TEN1: variants seen among roughly 807,000 people sequenced by gnomAD.
The protein encoded by TEN1 is TEN1 subunit of CST complex, also known as CST complex subunit TEN1.
Under a neutral mutation model 9.3 loss-of-function variants are expected in TEN1, and 6 were observed. The observed-to-expected ratio is 0.65, with a 90% CI of 0.35 to 1.27. The LOEUF is 1.27. Among genes scored for constraint, TEN1 ranks in the 50% most tolerant of loss-of-function variants. The pLI, the probability that TEN1 is intolerant of heterozygous loss-of-function variation, is 0.03. For missense variants in TEN1, 149 were observed against 158.2 expected, an observed-to-expected ratio of 0.94 and a Z score of 0.31; for synonymous variants, 65 against 65.6, an observed-to-expected ratio of 0.99 and a Z score of 0.04.
chr17:75,998,305 C>CT (rs1288378505), intron 3 of TEN1, among the ~76,000 whole-genome samples: 1 of 151,048 alleles, frequency 6.6e-6, no homozygotes, highest in Non-Finnish European at 1.5e-5. Flanking sequence ...GTAGTCGGGC[C>CT]TGGGTAACTT....
At chr17:75,986,041 A>G (rs2066150217) in intron 1 of TEN1, 146 bp from the exon 2 acceptor site, 3 of 607,318 alleles carry the variant, frequency 4.9e-6, no homozygotes, top group Admixed American at 3.6e-5. Context: ...CCTCCCCCCA[A>G]AAAATTTTTT....
At chr17:75,993,317 A>G (rs546463840) in intron 3 of TEN1, among the ~76,000 whole-genome samples, 8 of 151,672 alleles carry the variant, frequency 5.3e-5, no homozygotes, top group Non-Finnish European at 7.4e-5. Flanking sequence ...GTTGGCCAGG[A>G]TGGTCTCGAT....
At chr17:75,990,025 A>G (rs532807610) in intron 2 of TEN1, among the ~76,000 whole-genome samples, 1 of 147,640 alleles carries the variant, frequency 6.8e-6, no homozygotes, top group African/African-American at 2.5e-5. Context: ...GGGATTACAG[A>G]TGTGAGCCAC....
At chr17:75,990,677 T>C (rs1217202240) in intron 2 of TEN1, among the ~76,000 whole-genome samples, 1 of 148,374 alleles carries the variant, frequency 6.7e-6, no homozygotes, top group Non-Finnish European at 1.5e-5. Context: ...GTACAAAAAA[T>C]TAAAATATTA....
chr17:75,999,071 C>T (rs1021758202), intron 3 of TEN1, among the ~76,000 whole-genome samples: 2 of 151,968 alleles, frequency 1.3e-5, no homozygotes, highest in African/African-American at 4.8e-5. Flanking sequence ...GTCAGCAATG[C>T]ACAGTGGCTC....
intron 1 of TEN1, among the ~76,000 whole-genome samples, chr17:75,979,965 A>C (rs1250382826): frequency 6.6e-6 from 1 of 151,868 alleles, no homozygotes; most frequent in Non-Finnish European, 1.5e-5. Context: ...CCTGGCAGTT[A>C]CTAGAGGTCT....
chr17:75,979,780 C>A (rs1182442464), intron 1 of TEN1, among the ~76,000 whole-genome samples: 1 of 151,780 alleles, frequency 6.6e-6, no homozygotes, highest in African/African-American at 2.4e-5. Context: ...GGGAGAGGCT[C>A]CAGTTACCTT....
chr17:75,991,486 T>C lies in TEN1; in HGVS notation c.113T>C (p.Ile38Thr). 1.3e-6 allele frequency: 2 copies of C among 1,552,366 alleles called. No homozygotes were observed. Among genetic ancestry groups the C allele is most frequent in the Non-Finnish European group, 1.7e-6 (2 of 1,147,114 alleles). The change falls in exon 3 of 4, where the codon ATT (isoleucine) becomes ACT (threonine). Residue 38 changes from isoleucine to threonine, a missense_variant. Coordinates refer to ENST00000397640, the MANE Select transcript of TEN1 (RefSeq NM_001113324.3). ...TFGRLCLYDM[I>T]QSRVTLMAQH... is the part of the protein sequence containing the mutation. Reference sequence around the variant, plus strand: ...TCCAGGTTGTGCCTCTATGACATGATTCAGTCCAGAGTAACACTGATGGCT... The same window carrying C: ...TCCAGGTTGTGCCTCTATGACATGACTCAGTCCAGAGTAACACTGATGGCT...
intron 3 of TEN1, among the ~76,000 whole-genome samples, chr17:75,993,778 C>T (rs1476513991): frequency 2.0e-5 from 3 of 151,990 alleles, no homozygotes; most frequent in African/African-American, 4.8e-5. Context: ...GGGCGGATCT[C>T]GAGGTCAGGA....
chr17:75,982,349 T>G (rs1227436508), intron 1 of TEN1, among the ~76,000 whole-genome samples: 3 of 152,252 alleles, frequency 2.0e-5, no homozygotes, highest in Non-Finnish European at 4.4e-5. Flanking sequence ...AAGGCTCCCA[T>G]ATGTACATGT....
Position 75,999,291 on chromosome 17 carries a change from T to C in TEN1, c.251-850T>C, listed in dbSNP as rs536322446. ...GGGAGGTGGAGGCTACATTGAGCCA[T>C]GATTGAGCCACTGCATTCCAGCCCA... is the stretch of plus-strand genomic sequence containing the variant. On this transcript the variant is annotated intron_variant, in intron 3 of 3. Coordinates refer to ENST00000397640, the MANE Select transcript of TEN1 (RefSeq NM_001113324.3). 2.6e-5 allele frequency among the ~76,000 whole-genome samples: 4 copies of C among 152,148 alleles called. No individual in the cohort carries two copies. The East Asian group carries it at 7.8e-4, about 30-fold the overall frequency.
intron 3 of TEN1, among the ~76,000 whole-genome samples, chr17:75,992,805 T>G (rs1384965764): frequency 7.1e-6 from 1 of 141,640 alleles, no homozygotes; most frequent in Non-Finnish European, 1.5e-5. Flanking sequence ...AGCCACCGTT[T>G]TTTTTTTTTT....
chr17:75,984,227 A>G (rs949783558), intron 1 of TEN1, among the ~76,000 whole-genome samples: 9 of 152,118 alleles, frequency 5.9e-5, no homozygotes, highest in African/African-American at 9.7e-5. Flanking sequence ...CACTGATACA[A>G]TTTTTGCAAA....
At chr17:75,995,503 C>G (rs2066213131) in intron 3 of TEN1, among the ~76,000 whole-genome samples, 1 of 152,196 alleles carries the variant, frequency 6.6e-6, no homozygotes, top group African/African-American at 2.4e-5. Flanking sequence ...AGAGGTCACC[C>G]TTCTCAAATG....
chr17:75,987,819 A>G (rs2066160875), intron 2 of TEN1, among the ~76,000 whole-genome samples: 1 of 146,270 alleles, frequency 6.8e-6, no homozygotes, highest in Non-Finnish European at 1.5e-5. Flanking sequence ...CAGGAGGCTG[A>G]GGCAGGAGAA....
At chr17:75,998,654 C>G (rs1235912415) in intron 3 of TEN1, among the ~76,000 whole-genome samples, 2 of 152,080 alleles carry the variant, frequency 1.3e-5, no homozygotes, top group Non-Finnish European at 2.9e-5. Context: ...CAAACAGCGT[C>G]AAAAGAAAAC....
chr17:75,995,969 G>A (rs1175499365), intron 3 of TEN1, among the ~76,000 whole-genome samples: 2 of 152,118 alleles, frequency 1.3e-5, no homozygotes, highest in Non-Finnish European at 2.9e-5. Context: ...GCTTGTGCTT[G>A]TAGTCCCAGC....
chr17:75,989,108 T>C (rs1212831335), intron 2 of TEN1, among the ~76,000 whole-genome samples: 1 of 150,932 alleles, frequency 6.6e-6, no homozygotes, highest in East Asian at 2.0e-4. Flanking sequence ...TTTTCTTTTT[T>C]TCTTTTTTTG....
chr17:75,986,170 C>T lies in TEN1; in HGVS notation c.-6-17C>T, dbSNP rs561792133. 6.5e-7 allele frequency: 1 copy of T among 1,530,616 alleles called. No individual in the cohort carries two copies. Among genetic ancestry groups the T allele is most frequent in the Non-Finnish European group, 8.8e-7 (1 of 1,135,380 alleles). The allele number at this position is 1,530,616 out of a possible 1,614,324, so 94.8% of individuals were successfully genotyped here. A position where few individuals can be genotyped will look rare whatever the true frequency, so the allele number is the denominator to read the frequency against. ...TATCAGGAATCTTCAAAATCCCTCT[C>T]AACTATTTGGTTACAGGAGCCCATG... On this transcript the variant is annotated splice_polypyrimidine_tract_variant and intron_variant, in intron 1 of 3. Coordinates refer to ENST00000397640, the MANE Select transcript of TEN1 (RefSeq NM_001113324.3).
Sources: gnomAD v4.1 joint callset for allele counts (sites outside exome capture counted in the v4.1 genomes callset) on GRCh38, gnomAD v4.1.1 for gene constraint, MANE v1.5 for transcripts, NCBI Gene and HGNC (gene_info 2026-07-23, HGNC 2026-07-21) for gene names.